Variants in RALGPS2 observed in about 807,000 individuals in gnomAD.
The protein encoded by RALGPS2 is Ral GEF with PH domain and SH3 binding motif 2.
In RALGPS2, 43 loss-of-function variants were observed where a neutral mutation model predicts 86.8. That is an observed-to-expected ratio of 0.50 (90% confidence interval 0.39 to 0.64). The LOEUF is 0.64. Ranked by LOEUF, RALGPS2 falls within the 30% of genes least tolerant of loss-of-function variation. RALGPS2 has a pLI of 0.00. For synonymous variants in RALGPS2, 243 were observed against 231.3 expected, an observed-to-expected ratio of 1.05 and a Z score of -0.46; for missense variants, 536 against 694.6, an observed-to-expected ratio of 0.77 and a Z score of 2.57.
chr1:178,734,162 T>C (rs1218162785), intron 1 of RALGPS2, among the ~76,000 whole-genome samples: 1 of 152,228 alleles, frequency 6.6e-6, no homozygotes, highest in African/African-American at 2.4e-5. Context: ...CGCAGTGAGA[T>C]ACCGCTTCAC....
At chr1:178,812,419 G>A (rs570962589) in intron 6 of RALGPS2, among the ~76,000 whole-genome samples, 1 of 152,278 alleles carries the variant, frequency 6.6e-6, no homozygotes, top group African/African-American at 2.4e-5. Context: ...GTCGCCTATG[G>A]TTGAGTTAAT....
intron 8 of RALGPS2, among the ~76,000 whole-genome samples, chr1:178,835,077 G>A (rs541634582): frequency 3.3e-5 from 5 of 152,264 alleles, no homozygotes; most frequent in Admixed American, 6.5e-5. Flanking sequence ...CACACCCAGC[G>A]TGGTGCTCTG....
intron 8 of RALGPS2, among the ~76,000 whole-genome samples, chr1:178,860,495 G>A (rs1365044825): frequency 6.6e-6 from 1 of 151,856 alleles, no homozygotes; most frequent in African/African-American, 2.4e-5. Context: ...CAGTTTATTG[G>A]CATTAAGAAC....
At position 178,833,430 on chromosome 1, in the gene RALGPS2, A is replaced by G. The variant is rs1656122227; in HGVS notation, c.487A>G (p.Ser163Gly). ...TTTTCTGTTTGTTTTTTAGTTATTA[A>G]GTCGAAAAGACAAAACTACCTTTGA... The part of the protein sequence containing the change: ...FRLTKTWALL[S>G]RKDKTTFEKL... Residue 163 changes from serine (S) to glycine (G), a missense_variant, in exon 8 of 20, where the codon AGT becomes GGT. This residue lies in a region of RALGPS2 where 184 missense variants were observed against 296.7 expected (regional missense o/e 0.62). Coordinates refer to ENST00000367635, the MANE Select transcript of RALGPS2 (RefSeq NM_152663.5). 1 of 1,505,430 alleles carries G rather than the reference A, an allele frequency of 6.6e-7. No individual in the cohort carries two copies. Among genetic ancestry groups the G allele is most frequent in the Non-Finnish European group, 8.8e-7 (1 of 1,140,350 alleles). 93.3% of individuals were successfully genotyped at this position (1,505,430 alleles called of 1,614,324 possible).
At chr1:178,816,274 C>G (rs1050642137) in intron 6 of RALGPS2, among the ~76,000 whole-genome samples, 2 of 151,706 alleles carry the variant, frequency 1.3e-5, no homozygotes, top group South Asian at 4.2e-4. Context: ...TCTGGCCTTT[C>G]TTTTTGGGTG....
At chr1:178,844,865 A>G (rs1341600082) in intron 8 of RALGPS2, among the ~76,000 whole-genome samples, 2 of 152,168 alleles carry the variant, frequency 1.3e-5, no homozygotes, top group Non-Finnish European at 2.9e-5. Context: ...TGTACTACAA[A>G]GATGCAGTAG....
At chr1:178,733,505 A>G (rs973212693) in intron 1 of RALGPS2, among the ~76,000 whole-genome samples, 1 of 152,270 alleles carries the variant, frequency 6.6e-6, no homozygotes, top group Non-Finnish European at 1.5e-5. Context: ...AATTAAAACT[A>G]CAATGTGATG....
chr1:178,863,939 G>T (rs771186665), intron 8 of RALGPS2, among the ~76,000 whole-genome samples: 2 of 152,086 alleles, frequency 1.3e-5, no homozygotes, highest in Admixed American at 6.5e-5. Flanking sequence ...TTATTTCATA[G>T]TATATGTTTT....
At chr1:178,816,705 G>A (rs1655245566) in intron 6 of RALGPS2, among the ~76,000 whole-genome samples, 1 of 150,088 alleles carries the variant, frequency 6.7e-6, no homozygotes, top group Non-Finnish European at 1.5e-5. Flanking sequence ...ATAGTTTGAA[G>A]TGATTTTTTT....
rs116224404 is a variant in RALGPS2, at chr1:178,794,447, T to C, written c.213+8840T>C. Among the ~76,000 whole-genome samples, 1,291 of 152,304 alleles carry C rather than the reference T, an allele frequency of 8.5e-3. 12 individuals are homozygous for C. Among genetic ancestry groups the C allele is most frequent in the Non-Finnish European group, 0.015 (1,047 of 68,020 alleles). ...TTTCTTTTAGAAGGCTCTTACACAT[T>C]TATTTATAGGGCTTCTCTCCAGTGT... is the stretch of plus-strand genomic sequence containing the variant. On this transcript the variant is annotated intron_variant, in intron 4 of 19. Transcript: ENST00000367635.
intron 1 of RALGPS2, chr1:178,753,877 G>C (rs1332274696): frequency 6.6e-6 from 1 of 151,596 alleles, no homozygotes; most frequent in African/African-American, 2.4e-5. Context: ...TGTCGCCCAG[G>C]CTGGAGTGTG....
chr1:178,744,522 GAAAT>G (rs1156876845), intron 1 of RALGPS2, among the ~76,000 whole-genome samples: 2 of 152,042 alleles, frequency 1.3e-5, no homozygotes, highest in Non-Finnish European at 2.9e-5. Flanking sequence ...TCAAGAAAAA[GAAAT>G]AAGCTGGGTT....
chr1:178,892,369 A>G (rs985451319), intron 15 of RALGPS2, 62 bp downstream of exon 15: 2 of 1,394,326 alleles, frequency 1.4e-6, no homozygotes, highest in South Asian at 1.2e-5. Flanking sequence ...ATTGGCTTAC[A>G]TGGGTGTGGT....
At chr1:178,743,514 C>G (rs1369834478) in intron 1 of RALGPS2, among the ~76,000 whole-genome samples, 6 of 152,094 alleles carry the variant, frequency 3.9e-5, no homozygotes, top group Admixed American at 3.9e-4. Flanking sequence ...TGTTTTTAAA[C>G]TTTCTACTAA....
chr1:178,866,222 A>AT (rs1658400522), intron 8 of RALGPS2, among the ~76,000 whole-genome samples: 1 of 152,206 alleles, frequency 6.6e-6, no homozygotes, highest in Non-Finnish European at 1.5e-5. Flanking sequence ...TAATTAAAAC[A>AT]TTCTTGCCTA....
Position 178,896,467 on chromosome 1 carries a change from C to A in RALGPS2, c.1432-1197C>A, listed in dbSNP as rs199707606. Among the ~76,000 whole-genome samples, 177 of 136,900 alleles carry A rather than the reference C, an allele frequency of 1.3e-3. 8 individuals are homozygous for A. In the South Asian group the frequency reaches 0.032, roughly 25 times the overall value. 89.8% of individuals were successfully genotyped at this position (136,900 alleles called of 152,430 possible). ...AAGCAAACTTCTTTATTTTTTTTTT[C>A]TTTTTTTTTTTTTATTATACTTTAA... On this transcript the variant is annotated intron_variant, in intron 16 of 19. Transcript: ENST00000367635.
At chr1:178,769,050 A>T (rs947043015) in intron 1 of RALGPS2, among the ~76,000 whole-genome samples, 4 of 151,762 alleles carry the variant, frequency 2.6e-5, no homozygotes, top group Admixed American at 6.6e-5. Flanking sequence ...TGAAGCAGAG[A>T]TGGGGACCCC....
chr1:178,774,634 A>AT (rs1166289389), intron 1 of RALGPS2, among the ~76,000 whole-genome samples: 1 of 152,244 alleles, frequency 6.6e-6, no homozygotes, highest in East Asian at 1.9e-4. Context: ...TCTTAATACT[A>AT]TAAGGATAAT....
chr1:178,743,803 A>G (rs900233306), intron 1 of RALGPS2, among the ~76,000 whole-genome samples: 2 of 152,212 alleles, frequency 1.3e-5, no homozygotes, highest in Non-Finnish European at 2.9e-5. Flanking sequence ...CAAGAAGAAT[A>G]TACAACCTGA....
Sources: gnomAD v4.1 joint callset for allele counts (sites outside exome capture counted in the v4.1 genomes callset) on GRCh38, gnomAD v4.1.1 for gene constraint, gnomAD v4.1.1 regional missense constraint, MANE v1.5 for transcripts, NCBI Gene and HGNC (gene_info 2026-07-23, HGNC 2026-07-21) for gene names.